The following FMN2 variants were observed in gnomAD, a reference collection of about 807,000 sequenced individuals.
FMN2 encodes formin-2.
FMN2 carries 51 observed loss-of-function variants against 142.3 expected under a neutral mutation model. That is an observed-to-expected ratio of 0.36 (90% CI 0.29 to 0.45). The LOEUF is 0.45. Ranked by LOEUF, FMN2 falls within the 20% of genes least tolerant of loss-of-function variation. FMN2 has a pLI of 1.00. For missense variants in FMN2, 1,936 were observed against 2,122.8 expected (o/e 0.91, Z 1.73); for synonymous variants, 882 against 869.8 (o/e 1.01, Z -0.25).
intron 7 of FMN2, among the ~76,000 whole-genome samples, chr1:240,285,912 C>G (rs930743465): frequency 2.6e-5 from 4 of 151,844 alleles, no homozygotes; most frequent in South Asian, 2.1e-4. Flanking sequence ...TTTTTTTCCC[C>G]CGCTCTGGTT....
chr1:240,212,324 G>A (rs889400580), intron 6 of FMN2, among the ~76,000 whole-genome samples: 7 of 152,288 alleles, frequency 4.6e-5, no homozygotes, highest in Admixed American at 2.6e-4. Context: ...CCTGTGACCC[G>A]TAGTTGGCTG....
chr1:240,127,874 G>A (rs1662576842), intron 2 of FMN2, among the ~76,000 whole-genome samples: 1 of 152,192 alleles, frequency 6.6e-6, no homozygotes. Flanking sequence ...TCTAGATGGT[G>A]GCTGTAGGTT....
chr1:240,362,323 T>G (rs1329758469), intron 14 of FMN2, among the ~76,000 whole-genome samples: 1 of 152,210 alleles, frequency 6.6e-6, no homozygotes, highest in Non-Finnish European at 1.5e-5. Context: ...GTTTTGTTTT[T>G]GTGCATGTGA....
chr1:240,342,000 G>C (rs777970777), intron 13 of FMN2, among the ~76,000 whole-genome samples: 1 of 152,170 alleles, frequency 6.6e-6, no homozygotes, highest in Non-Finnish European at 1.5e-5. Flanking sequence ...TTCCAGTAGA[G>C]AGACTGGTTC....
At chr1:240,159,379 C>T (rs1285117766) in intron 2 of FMN2, among the ~76,000 whole-genome samples, 3 of 151,938 alleles carry the variant, frequency 2.0e-5, no homozygotes, top group African/African-American at 7.2e-5. Flanking sequence ...TCTATTTTTT[C>T]CCTGCTCTTC....
At chr1:240,366,579 G>T (rs1487169512) in intron 14 of FMN2, among the ~76,000 whole-genome samples, 3 of 142,684 alleles carry the variant, frequency 2.1e-5, no homozygotes, top group African/African-American at 7.9e-5. Context: ...CGCTCTTGTT[G>T]CCCAGGTTGG....
intron 4 of FMN2, among the ~76,000 whole-genome samples, chr1:240,191,303 A>G (rs1270500840): frequency 6.6e-6 from 1 of 152,270 alleles, no homozygotes; most frequent in Non-Finnish European, 1.5e-5. Context: ...CATGACTCAT[A>G]AAGCCTTTCC....
chr1:240,331,234 T>C (rs946863976), intron 11 of FMN2, among the ~76,000 whole-genome samples: 1 of 152,164 alleles, frequency 6.6e-6, no homozygotes, highest in East Asian at 1.9e-4. Context: ...GTGATTCTAC[T>C]CTGCTGCATA....
intron 8 of FMN2, among the ~76,000 whole-genome samples, chr1:240,315,124 C>T (rs1191276102): frequency 6.6e-6 from 1 of 152,148 alleles, no homozygotes; most frequent in Non-Finnish European, 1.5e-5. Context: ...TCTTCAAATT[C>T]CTTTATTCTG....
intron 8 of FMN2, among the ~76,000 whole-genome samples, chr1:240,321,719 A>G (rs1215857243): frequency 2.6e-5 from 4 of 152,226 alleles, no homozygotes; most frequent in South Asian, 2.1e-4. Context: ...AGCAAATCAC[A>G]TTAGATTGAA....
intron 8 of FMN2, among the ~76,000 whole-genome samples, chr1:240,315,629 A>T (rs911103507): frequency 1.3e-5 from 2 of 152,150 alleles, no homozygotes; most frequent in South Asian, 4.1e-4. Context: ...CAGCCATTGG[A>T]TATACAACTT....
intron 6 of FMN2, among the ~76,000 whole-genome samples, chr1:240,256,888 T>C (rs1668467714): frequency 6.6e-6 from 1 of 152,230 alleles, no homozygotes; most frequent in Admixed American, 6.5e-5. Context: ...ATTAAGAATA[T>C]TGTTTTACTC....
chr1:240,226,625 CAT>C (rs1439425510), intron 6 of FMN2, among the ~76,000 whole-genome samples: 1 of 152,126 alleles, frequency 6.6e-6, no homozygotes, highest in East Asian at 1.9e-4. Flanking sequence ...CTGCACAAAA[CAT>C]AGTATAATTA....
chr1:240,260,699 G>T (rs1226659742), intron 7 of FMN2, among the ~76,000 whole-genome samples: 2 of 152,156 alleles, frequency 1.3e-5, no homozygotes, highest in Non-Finnish European at 2.9e-5. Context: ...CCCACTCTGT[G>T]GGTTGTCTGT....
At chr1:240,163,501 T>C (rs550974838) in intron 2 of FMN2, among the ~76,000 whole-genome samples, 1 of 152,338 alleles carries the variant, frequency 6.6e-6, no homozygotes, top group African/African-American at 2.4e-5. Context: ...TTATCTGTTA[T>C]TAATATAGCT....
rs35500291 is a variant in FMN2, at chr1:240,431,402, T to TTATATA, written c.4911-6642_4911-6637dup. On this transcript the variant is annotated intron_variant, in intron 15 of 17. Transcript: ENST00000319653. ...TGTTTTCTGGGTATACAACCATGTT[T>TTATATA]TATATATATATATATATATATACAT... 8.6e-3 allele frequency among the ~76,000 whole-genome samples: 1,198 copies of TTATATA among 139,172 alleles called. 19 individuals carry two copies. The highest frequency in any genetic ancestry group is 0.032 in the African/African-American group (1,150 of 36,476). 91.3% of individuals were successfully genotyped at this position (139,172 alleles called of 152,430 possible).
chr1:240,133,713 C>G (rs961378984), intron 2 of FMN2, among the ~76,000 whole-genome samples: 1 of 152,214 alleles, frequency 6.6e-6, no homozygotes, highest in African/African-American at 2.4e-5. Flanking sequence ...AGCCTCCACT[C>G]TTTCTCATAG....
chr1:240,365,445 A>C (rs1672637809), intron 14 of FMN2, among the ~76,000 whole-genome samples: 1 of 152,050 alleles, frequency 6.6e-6, no homozygotes, highest in Non-Finnish European at 1.5e-5. Context: ...TATATTTTCT[A>C]TATAGAGATA....
At chr1:240,355,966 A>AGCT in intron 14 of FMN2, 58 bp downstream of exon 14, 1 of 442,798 alleles carries the variant, frequency 2.3e-6, no homozygotes, top group Non-Finnish European at 3.1e-6. Flanking sequence ...AAAAAAAAAA[A>AGCT]AAAAAAAAAA....
Sources: gnomAD v4.1 joint callset for allele counts (sites outside exome capture counted in the v4.1 genomes callset) on GRCh38, gnomAD v4.1.1 for gene constraint, MANE v1.5 for transcripts, NCBI Gene and HGNC (gene_info 2026-07-23, HGNC 2026-07-21) for gene names.